Variants in C2CD3 observed in about 807,000 individuals in gnomAD.
C2CD3 encodes C2 domain containing 3 centriole elongation regulator, also known as C2 domain-containing protein 3.
In C2CD3, 148 loss-of-function variants were observed where a neutral mutation model predicts 234.0. That is an observed-to-expected ratio of 0.63 (90% CI 0.55 to 0.72). The LOEUF is 0.72. Among genes scored for constraint, C2CD3 ranks in the 30% least tolerant of loss-of-function variants. C2CD3 has a pLI of 0.00. For synonymous variants in C2CD3, 1,000 were observed against 1,035.4 expected (o/e 0.97, Z 0.66); for missense variants, 2,577 against 2,811.5 (o/e 0.92, Z 1.89).
intron 31 of C2CD3, among the ~76,000 whole-genome samples, chr11:74,031,459 T>G (rs1565209472): frequency 6.6e-6 from 1 of 152,214 alleles, no homozygotes; most frequent in Non-Finnish European, 1.5e-5. Flanking sequence ...TTGTCTCTAT[T>G]GCACAATGCC....
chr11:74,111,085 G>C (rs528175260), intron 11 of C2CD3, among the ~76,000 whole-genome samples: 3 of 152,154 alleles, frequency 2.0e-5, no homozygotes, highest in Non-Finnish European at 4.4e-5. Flanking sequence ...TTTTGGAATC[G>C]AAACGGTGCT....
intron 29 of C2CD3, among the ~76,000 whole-genome samples, chr11:74,038,641 C>A (rs1952859532): frequency 6.6e-6 from 1 of 152,210 alleles, no homozygotes; most frequent in Non-Finnish European, 1.5e-5. Context: ...CCAGTTCAAG[C>A]AACTCCCTGC....
At chr11:74,160,791 CTAA>C (rs770995397) in intron 3 of C2CD3, among the ~76,000 whole-genome samples, 2 of 152,144 alleles carry the variant, frequency 1.3e-5, no homozygotes, top group Non-Finnish European at 2.9e-5. Flanking sequence ...GATGGATATG[CTAA>C]TTACCCTGAT....
rs1360997702 is a variant in C2CD3 at position 74,042,045 on chromosome 11, G to C, written c.5660+9C>G. On this transcript the variant is annotated intron_variant, in intron 29 of 32. Transcript: ENST00000334126. ...TGGTTTCCTGTGTCTTTTCTCAGTA[G>C]AGCCTCACCTGAGAGAAGTCAGAAT... The C allele has an allele frequency of 6.2e-7, 1 of 1,613,638 alleles. No homozygotes were observed. Among genetic ancestry groups the C allele is most frequent in the Admixed American group, 1.7e-5 (1 of 59,950 alleles).
intron 15 of C2CD3, among the ~76,000 whole-genome samples, chr11:74,099,895 C>CAA (rs370465812): frequency 2.2e-5 from 2 of 91,936 alleles, no homozygotes; most frequent in African/African-American, 3.8e-5. Context: ...GACTCCGTCT[C>CAA]AAAAAAAAAA....
intron 24 of C2CD3, among the ~76,000 whole-genome samples, chr11:74,069,089 C>T (rs1379896613): frequency 6.6e-6 from 1 of 152,214 alleles, no homozygotes; most frequent in African/African-American, 2.4e-5. Context: ...TAAGCCACTG[C>T]GTCCGGCCAT....
rs190482609 is a variant in C2CD3, at chr11:74,079,304, T to A, written c.4001-587A>T. On this transcript the variant is annotated intron_variant, in intron 22 of 32. Transcript: ENST00000334126. Reference sequence around the variant, plus strand: ...GTAACTTTGAACTCCTGGGCTCAAGTCATTCTCCTGCCTCAGCCTCCTGAG... The same window carrying A: ...GTAACTTTGAACTCCTGGGCTCAAGACATTCTCCTGCCTCAGCCTCCTGAG... 9.9e-5 allele frequency among the ~76,000 whole-genome samples: 15 copies of A among 152,260 alleles called. No individual in the cohort carries two copies. In the East Asian group the frequency reaches 2.3e-3, roughly 23 times the overall value.
Position 74,126,791 on chromosome 11 carries a change from T to C in C2CD3, c.1218-3656A>G, listed in dbSNP as rs143435893. On this transcript the variant is annotated intron_variant, in intron 7 of 32. Transcript: ENST00000334126. Reference sequence around the variant, plus strand: ...TAAATAAATAAAGTGAGCAATTCAATAGTTTTTAGTATGTTCATAAATGTG... The same window carrying C: ...TAAATAAATAAAGTGAGCAATTCAACAGTTTTTAGTATGTTCATAAATGTG... Among the ~76,000 whole-genome samples, 5 of 152,254 alleles carry C rather than the reference T, an allele frequency of 3.3e-5. No homozygotes were observed. In the East Asian group the frequency reaches 9.6e-4, roughly 29 times the overall value.
intron 14 of C2CD3, among the ~76,000 whole-genome samples, chr11:74,102,049 G>A (rs774323534): frequency 4.6e-5 from 7 of 152,208 alleles, no homozygotes; most frequent in African/African-American, 1.7e-4. Context: ...TTTGGAAGGA[G>A]GGTGAAGGTT....
Position 74,090,793 on chromosome 11 carries a change from CT to C in C2CD3, c.3641+19del, listed in dbSNP as rs1479224384. 6.2e-7 allele frequency: 1 copy of C among 1,613,784 alleles called. No individual in the cohort carries two copies. Among genetic ancestry groups the C allele is most frequent in the East Asian group, 2.2e-5 (1 of 44,882 alleles). ...TGCAGTGTAAAAGGCTTGAGAATTG[CT>C]TGTCTCAGGTGGACTTACTTGGCTG... On this transcript the variant is annotated intron_variant, in intron 20 of 32. Transcript: ENST00000334126.
intron 26 of C2CD3, among the ~76,000 whole-genome samples, chr11:74,053,040 C>T (rs1170304843): frequency 6.6e-6 from 1 of 152,188 alleles, no homozygotes; most frequent in Admixed American, 6.5e-5. Context: ...TAGAAGTCCT[C>T]ATCACCTCAA....
At position 74,033,851 on chromosome 11, in the gene C2CD3, G is replaced by A. The variant is rs139902068; in HGVS notation, c.6309C>T (p.Asp2103=). ...DTSEVISPQP[D]EVQREGPSCP... Reference sequence around the variant, plus strand: ...AAGAGGGGCCTTCCCTCTGCACCTCGTCAGGCTGAGGGCTGATGACCTCAC... The same window carrying A: ...AAGAGGGGCCTTCCCTCTGCACCTCATCAGGCTGAGGGCTGATGACCTCAC... Residue 2103 remains aspartate, a synonymous_variant, in exon 31 of 33, where the codon GAC becomes GAT. Coordinates refer to ENST00000334126, the MANE Select transcript of C2CD3 (RefSeq NM_001286577.2). 1.6e-5 allele frequency: 25 copies of A among 1,536,180 alleles called. No individual in the cohort carries two copies. The highest frequency in any genetic ancestry group is 4.8e-5 in the South Asian group (4 of 84,068).
rs1196536534 is a variant in C2CD3, at chr11:74,049,489, C to A, written c.5209G>T (p.Gly1737Cys). The change falls in exon 27 of 33, where the codon GGC becomes TGC. Residue 1737 changes from glycine (G) to cysteine (C), a missense_variant. By Grantham distance (159) the Gly-to-Cys change is radical (BLOSUM62 -3). Transcript: ENST00000334126. ...ASVDLSPLLS[G>C]FQFVCGWYNI... ...TACCAGCCACAGACAAACTGGAAGC[C>A]AGAGAGAAGTGGGGAGAGGTCCACC... is the stretch of plus-strand genomic sequence containing the variant. 1.9e-6 allele frequency: 3 copies of A among 1,613,084 alleles called. No individual in the cohort carries two copies. Among genetic ancestry groups the A allele is most frequent in the African/African-American group, 1.3e-5 (1 of 75,008 alleles).
At chr11:74,158,289 A>G (rs759769507) in intron 3 of C2CD3, among the ~76,000 whole-genome samples, 4 of 152,272 alleles carry the variant, frequency 2.6e-5, no homozygotes, top group Non-Finnish European at 4.4e-5. Context: ...GGCATCTGAC[A>G]AGAGTTAATA....
rs771748564 is a variant in C2CD3 at position 74,113,710 on chromosome 11, G to C, written c.1843+70C>G. ...AAAAAAAAAAAAAAAAGTCAAATGA[G>C]TAATTAGGAATTCAAAAATTCTTCC... On this transcript the variant is annotated intron_variant, in intron 11 of 32. Transcript: ENST00000334126. 9.3e-6 allele frequency: 7 copies of C among 754,518 alleles called. No homozygotes were observed. In the East Asian group the frequency reaches 1.9e-4, roughly 20 times the overall value. 46.7% of individuals were successfully genotyped at this position (754,518 alleles called of 1,614,324 possible).
At chr11:74,114,340 T>C in intron 10 of C2CD3, 44 bp downstream of exon 10, 3 of 1,377,350 alleles carry the variant, frequency 2.2e-6, no homozygotes, top group Non-Finnish European at 1.0e-6. Context: ...TCAGACACAC[T>C]TTCCAAAAAT....
At chr11:74,054,725 T>A in intron 25 of C2CD3, 54 bp from the exon 26 acceptor site, 1 of 1,224,224 alleles carries the variant, frequency 8.2e-7, no homozygotes, top group South Asian at 1.3e-5. Context: ...TTCTGTAGTA[T>A]AAAACTTAGA....
chr11:74,030,758 T>TC (rs1399558514), intron 31 of C2CD3, among the ~76,000 whole-genome samples: 3 of 152,208 alleles, frequency 2.0e-5, no homozygotes, highest in South Asian at 4.1e-4. Context: ...CTCCTGCATC[T>TC]CCTCCTGGAT....
chr11:74,028,294 G>C lies in C2CD3; in HGVS notation c.6914C>G (p.Thr2305Arg). ...LSATLPPAAT[T>R]DQDKSEATRG... ...AGTTGGCCATTCTCTTACCTGATCT[G>C]TTGTGGCTGCTGGTGGCAAAGTTGC... The change falls in exon 32 of 33, where the codon ACA becomes AGA. Residue 2305 changes from threonine to arginine, a missense_variant. Transcript: ENST00000334126. 1 of 1,535,066 alleles carries C rather than the reference G, an allele frequency of 6.5e-7. No individual in the cohort carries two copies. Among genetic ancestry groups the C allele is most frequent in the Non-Finnish European group, 8.7e-7 (1 of 1,145,888 alleles).
Sources: allele counts gnomAD v4.1 joint callset (sites outside exome capture counted in the v4.1 genomes callset), GRCh38; gene constraint gnomAD v4.1.1; transcripts MANE v1.5; gene names NCBI Gene and HGNC (gene_info 2026-07-23, HGNC 2026-07-21).